The following CNIH3 variants were observed in gnomAD, a reference collection of about 807,000 sequenced individuals.
CNIH3 encodes cornichon family AMPA receptor auxiliary protein 3, also known as protein cornichon homolog 3.
Under a neutral mutation model 24.1 loss-of-function variants are expected in CNIH3, and 14 were observed. That is an observed-to-expected ratio of 0.58 (90% CI 0.38 to 0.91). CNIH3 has a LOEUF of 0.91. Among genes scored for constraint, CNIH3 ranks in the 40% least tolerant of loss-of-function variants. The pLI, the probability that CNIH3 is intolerant of heterozygous loss-of-function variation, is 0.00. For missense variants in CNIH3, 178 were observed against 196.8 expected, an observed-to-expected ratio of 0.90 and a Z score of 0.57; for synonymous variants, 68 against 73.8, an observed-to-expected ratio of 0.92 and a Z score of 0.40.
intron 1 of CNIH3, among the ~76,000 whole-genome samples, chr1:224,668,483 G>A (rs1429597435): frequency 6.6e-6 from 1 of 152,204 alleles, no homozygotes; most frequent in Non-Finnish European, 1.5e-5. Context: ...GCAAATGGTA[G>A]ATGCTTAGTA....
chr1:224,716,568 C>G (rs147714349), intron 3 of CNIH3, among the ~76,000 whole-genome samples: 213 of 152,012 alleles, frequency 1.4e-3, no homozygotes, highest in African/African-American at 4.7e-3. Flanking sequence ...GCATGGAGGA[C>G]AAGATTCTTG....
upstream of CNIH3, among the ~76,000 whole-genome samples, chr1:224,514,767 G>A (rs1182688973): frequency 6.6e-6 from 1 of 152,218 alleles, no homozygotes; most frequent in Non-Finnish European, 1.5e-5. Flanking sequence ...GGGAGGTTGA[G>A]GCTGCAGTGA....
chr1:224,509,214 T>C (rs1678039725), intron 1 of CNIH3, among the ~76,000 whole-genome samples: 1 of 152,102 alleles, frequency 6.6e-6, no homozygotes, highest in Admixed American at 6.5e-5. Flanking sequence ...TCCCAGCTAC[T>C]CGGGAGGCTG....
chr1:224,727,020 G>A (rs571874361), intron 3 of CNIH3, among the ~76,000 whole-genome samples: 3 of 152,220 alleles, frequency 2.0e-5, no homozygotes, highest in Non-Finnish European at 4.4e-5. Context: ...TCTCAGAGTT[G>A]GGAGGGAACG....
chr1:224,508,867 C>A (rs1362089634), intron 1 of CNIH3, among the ~76,000 whole-genome samples: 6 of 152,120 alleles, frequency 3.9e-5, no homozygotes, highest in Non-Finnish European at 1.5e-5. Flanking sequence ...CAGTATTAGA[C>A]CCTGGGGGGT....
chr1:224,642,430 A>G (rs915834745), intron 1 of CNIH3, among the ~76,000 whole-genome samples: 3 of 152,028 alleles, frequency 2.0e-5, no homozygotes, highest in Admixed American at 2.0e-4. Context: ...GAATCTCCCT[A>G]TGTTACCCAG....
intron 3 of CNIH3, among the ~76,000 whole-genome samples, chr1:224,607,603 T>A (rs1241984075): frequency 1.3e-5 from 2 of 152,176 alleles, no homozygotes; most frequent in African/African-American, 2.4e-5. Flanking sequence ...CAGATATGCA[T>A]TTGTCTCAGG....
intron 3 of CNIH3, among the ~76,000 whole-genome samples, chr1:224,549,484 A>G (rs975821308): frequency 6.6e-6 from 1 of 152,138 alleles, no homozygotes; most frequent in East Asian, 1.9e-4. Context: ...ACTGGTTGTT[A>G]CAGACAAATG....
At chr1:224,738,128 C>T (rs1689690335) in intron 5 of CNIH3, among the ~76,000 whole-genome samples, 1 of 152,202 alleles carries the variant, frequency 6.6e-6, no homozygotes, top group Admixed American at 6.5e-5. Flanking sequence ...TGTCCTGGCC[C>T]GTGCCTGGCA....
intron 2 of CNIH3, among the ~76,000 whole-genome samples, chr1:224,524,471 T>C (rs1678767017): frequency 6.6e-6 from 1 of 152,240 alleles, no homozygotes. Context: ...GGTATCAAAC[T>C]ATGAATTGCT....
intron 1 of CNIH3, among the ~76,000 whole-genome samples, chr1:224,627,011 G>A (rs557027152): frequency 4.1e-4 from 62 of 152,270 alleles, no homozygotes; most frequent in African/African-American, 1.4e-3. Context: ...ACACTTCTGT[G>A]TGCCTGTGCC....
chr1:224,617,370 G>T, intron 1 of CNIH3, 115 bp downstream of exon 1: 1 of 1,137,388 alleles, frequency 8.8e-7, no homozygotes. Context: ...TGGACCTTCT[G>T]CCGCTCCACT....
intron 1 of CNIH3, among the ~76,000 whole-genome samples, chr1:224,449,481 A>T (rs1190135687): frequency 6.6e-6 from 1 of 152,002 alleles, no homozygotes; most frequent in East Asian, 1.9e-4. Flanking sequence ...TGTTGCCGTC[A>T]CTGCTACCAA....
At chr1:224,630,404 G>A (rs1245541339) in intron 1 of CNIH3, among the ~76,000 whole-genome samples, 2 of 151,970 alleles carry the variant, frequency 1.3e-5, no homozygotes, top group Non-Finnish European at 2.9e-5. Context: ...GACAATTTGG[G>A]GGATGATTTA....
chr1:224,508,209 C>T (rs1677995949), intron 1 of CNIH3, among the ~76,000 whole-genome samples: 1 of 152,116 alleles, frequency 6.6e-6, no homozygotes. Context: ...CAAAGTTTTC[C>T]TTTCTCTCCA....
intron 3 of CNIH3, among the ~76,000 whole-genome samples, chr1:224,594,112 C>T (rs927953763): frequency 2.6e-5 from 4 of 152,284 alleles, no homozygotes; most frequent in Non-Finnish European, 2.9e-5. Flanking sequence ...GTAATTAATG[C>T]CACAGAACTG....
chr1:224,452,240 C>T (rs1291460417), intron 1 of CNIH3, among the ~76,000 whole-genome samples: 1 of 151,122 alleles, frequency 6.6e-6, no homozygotes, highest in African/African-American at 2.4e-5. Context: ...ACCTTCGCCT[C>T]CCGGGTTCAA....
chr1:224,548,357 G>A (rs964077068), intron 3 of CNIH3, among the ~76,000 whole-genome samples: 3 of 151,952 alleles, frequency 2.0e-5, no homozygotes, highest in Admixed American at 1.3e-4. Flanking sequence ...TGTACACCCT[G>A]TGATATGATT....
rs554193568 is a variant in CNIH3 at position 224,576,399 on chromosome 1, G to T, written n.517-6765G>T. On this transcript the variant is annotated intron_variant and non_coding_transcript_variant, in intron 4 of 5. Coordinates refer to the CNIH3 transcript ENST00000471578. Reference sequence around the variant, plus strand: ...GAGTCCCCCTTCCATTCCCAACTTTGCCCTCTATTTCCTGCCCTTCAGAAA... The same window carrying T: ...GAGTCCCCCTTCCATTCCCAACTTTTCCCTCTATTTCCTGCCCTTCAGAAA... 4.9e-4 allele frequency among the ~76,000 whole-genome samples: 74 copies of T among 152,278 alleles called. 1 individual carries two copies. In the South Asian group the frequency reaches 0.015, roughly 31 times the overall value.
Sources: gnomAD v4.1 joint callset for allele counts (sites outside exome capture counted in the v4.1 genomes callset) on GRCh38, gnomAD v4.1.1 for gene constraint, MANE v1.5 for transcripts, NCBI Gene and HGNC (gene_info 2026-07-23, HGNC 2026-07-21) for gene names.